Variants in AQP9 observed in about 807,000 individuals in gnomAD.
AQP9 encodes the protein aquaporin 9.
Under a neutral mutation model 23.8 loss-of-function variants are expected in AQP9, and 19 were observed. The observed-to-expected ratio is 0.80, with a 90% CI of 0.56 to 1.17. The LOEUF (loss-of-function observed/expected upper bound fraction) is 1.17. AQP9 is among the 50% of genes most tolerant of loss of function. The pLI is 0.00. For missense variants in AQP9, 413 were observed against 362.0 expected, an observed-to-expected ratio of 1.14 and a Z score of -1.14; for synonymous variants, 153 against 131.5, an observed-to-expected ratio of 1.16 and a Z score of -1.12.
chr15:58,140,502 C>G (rs963598053), intron 1 of AQP9, among the ~76,000 whole-genome samples: 3 of 152,258 alleles, frequency 2.0e-5, no homozygotes, highest in Middle Eastern at 3.4e-3. Context: ...AATCTGCAAC[C>G]TTGATTATCA....
intron 1 of AQP9, among the ~76,000 whole-genome samples, chr15:58,166,201 G>A (rs1458807891): frequency 2.0e-5 from 3 of 152,114 alleles, no homozygotes; most frequent in Admixed American, 2.0e-4. Flanking sequence ...CAGTTGGGAA[G>A]GCATAAGCTC....
chr15:58,163,065 A>C (rs1898416087), intron 1 of AQP9, among the ~76,000 whole-genome samples: 1 of 152,188 alleles, frequency 6.6e-6, no homozygotes, highest in Non-Finnish European at 1.5e-5. Flanking sequence ...AGGTGGTGTT[A>C]TGTGCAGAAA....
chr15:58,149,190 A>T (rs1382204323), intron 1 of AQP9, among the ~76,000 whole-genome samples: 1 of 152,210 alleles, frequency 6.6e-6, no homozygotes, highest in African/African-American at 2.4e-5. Flanking sequence ...CACAGGAGGA[A>T]CACTGGGATG....
At position 58,138,653 on chromosome 15, in the gene AQP9, T is replaced by G. The variant is rs768398839; in HGVS notation, c.88T>G (p.Phe30Val). The G allele has an allele frequency of 2.5e-6, 4 of 1,613,680 alleles. No homozygotes were observed. Among genetic ancestry groups the G allele is most frequent in the South Asian group, 1.1e-5 (1 of 91,062 alleles). ...SSLAKETLSE[F>V]LGTFILIVLG... ...CTTAGCGAAAGAAACCCTCTCTGAG[T>G]TCTTGGGCACGTTCATCTTGATTGT... The change falls in exon 1 of 6, where the codon TTC becomes GTC. Residue 30 changes from phenylalanine to valine, a missense_variant. Transcript: ENST00000219919.
chr15:58,152,268 C>T (rs1898165749), intron 1 of AQP9: 1 of 152,132 alleles, frequency 6.6e-6, no homozygotes, highest in South Asian at 2.1e-4. Flanking sequence ...TAATAGAACT[C>T]TTCATCACTA....
chr15:58,141,675 C>T (rs1000086486), intron 1 of AQP9, among the ~76,000 whole-genome samples: 3 of 152,178 alleles, frequency 2.0e-5, no homozygotes, highest in Non-Finnish European at 4.4e-5. Flanking sequence ...CTTCCTGCTC[C>T]TACCTTCCAC....
intron 2 of AQP9, among the ~76,000 whole-genome samples, chr15:58,172,748 C>T (rs2292711): frequency 0.79 from 120,213 of 152,144 alleles, 47,701 homozygotes; most frequent in East Asian, 0.92. Context: ...TTTGGGGTGA[C>T]TGCTTTATAG....
intron 1 of AQP9, among the ~76,000 whole-genome samples, chr15:58,158,662 G>C (rs1566984557): frequency 6.6e-6 from 1 of 152,124 alleles, no homozygotes; most frequent in Non-Finnish European, 1.5e-5. Flanking sequence ...TTCCCAAGGA[G>C]ATCCTTTTAA....
Position 58,179,219 on chromosome 15 carries a change from T to C in AQP9, c.587T>C (p.Ile196Thr), listed in dbSNP as rs201263790. 1.9e-6 allele frequency: 3 copies of C among 1,614,142 alleles called. No individual in the cohort carries two copies. Among genetic ancestry groups the C allele is most frequent in the Non-Finnish European group, 2.5e-6 (3 of 1,179,986 alleles). Residue 196 changes from isoleucine (I) to threonine (T), a missense_variant, in exon 5 of 6, where the codon ATC becomes ACC. Ile to Thr is a moderately conservative substitution (Grantham distance 89, BLOSUM62 -1). Transcript: ENST00000219919. The stretch of plus-strand genomic sequence containing the variant: ...CCCAGAGGCCTAGAGCCCATTGCCA[T>C]CGGCCTCCTGATTATTGTCATTGCT... ...GAPRGLEPIA[I>T]GLLIIVIASS...
chr15:58,177,919 C>G (rs1403718462), intron 4 of AQP9, among the ~76,000 whole-genome samples: 4 of 152,130 alleles, frequency 2.6e-5, no homozygotes, highest in Admixed American at 2.0e-4. Context: ...AGAGTCAACC[C>G]TACATATCCA....
intron 5 of AQP9, among the ~76,000 whole-genome samples, chr15:58,180,464 C>A (rs1214858622): frequency 6.6e-6 from 1 of 152,110 alleles, no homozygotes; most frequent in African/African-American, 2.4e-5. Context: ...ACCTTGACAG[C>A]CTTTTCCCCT....
At chr15:58,150,414 G>A (rs576170070) in intron 1 of AQP9, 2 of 152,496 alleles carry the variant, frequency 1.3e-5, no homozygotes, top group South Asian at 2.1e-4. Flanking sequence ...ATCATTATTC[G>A]GTCAACATTT....
chr15:58,143,871 G>A (rs1897993222), intron 1 of AQP9, among the ~76,000 whole-genome samples: 1 of 152,080 alleles, frequency 6.6e-6, no homozygotes, highest in South Asian at 2.1e-4. Context: ...AGGACCTGGT[G>A]GTCCTAGGGT....
At chr15:58,171,226 T>C (rs1351422558) in intron 2 of AQP9, among the ~76,000 whole-genome samples, 1 of 151,940 alleles carries the variant, frequency 6.6e-6, no homozygotes, top group African/African-American at 2.4e-5. Context: ...TAGCTGGGAA[T>C]GCAGGTGCCT....
intron 1 of AQP9, among the ~76,000 whole-genome samples, chr15:58,165,547 T>C (rs935205): frequency 0.022 from 3,385 of 152,288 alleles, 127 homozygotes; most frequent in African/African-American, 0.074. Context: ...ATGTAATGTA[T>C]TTACTACAAT....
At chr15:58,149,836 T>C (rs1037574952) in intron 1 of AQP9, among the ~76,000 whole-genome samples, 2 of 152,190 alleles carry the variant, frequency 1.3e-5, no homozygotes, top group Admixed American at 6.5e-5. Flanking sequence ...AAGCCCTAAA[T>C]GACTCCCTTC....
At chr15:58,170,714 C>T (rs898085262) in intron 2 of AQP9, among the ~76,000 whole-genome samples, 1 of 151,956 alleles carries the variant, frequency 6.6e-6, no homozygotes, top group East Asian at 1.9e-4. Context: ...ATTTCTTCAG[C>T]TTTTATATTG....
At chr15:58,173,333 A>C (rs1462868285) in intron 3 of AQP9, 128 bp downstream of exon 3, 1 of 1,337,194 alleles carries the variant, frequency 7.5e-7, no homozygotes, top group African/African-American at 1.5e-5. Flanking sequence ...GCAAGTTCTA[A>C]ATTTGAGAAA....
intron 2 of AQP9, among the ~76,000 whole-genome samples, chr15:58,171,270 G>T (rs1364083960): frequency 6.6e-6 from 1 of 152,034 alleles, no homozygotes; most frequent in Non-Finnish European, 1.5e-5. Context: ...TCTATTTTTA[G>T]TAGAGACGGC....
Sources: allele counts gnomAD v4.1 joint callset (sites outside exome capture counted in the v4.1 genomes callset), GRCh38; gene constraint gnomAD v4.1.1; transcripts MANE v1.5; gene names NCBI Gene and HGNC (gene_info 2026-07-23, HGNC 2026-07-21).